The following SORL1 variants were observed in gnomAD, a reference collection of about 807,000 sequenced individuals.
The protein encoded by SORL1 is sortilin related receptor 1.
Under a neutral mutation model 273.7 loss-of-function variants are expected in SORL1, and 127 were observed. The observed-to-expected ratio is 0.46, with a 90% CI of 0.40 to 0.54. The LOEUF (loss-of-function observed/expected upper bound fraction) is 0.54, where lower values mean the gene tolerates loss of function less well. Ranked by LOEUF, SORL1 falls within the 20% of genes least tolerant of loss-of-function variation. The pLI is 0.00. For synonymous variants in SORL1, 1,031 were observed against 1,067.4 expected, an observed-to-expected ratio of 0.97 and a Z score of 0.66; for missense variants, 2,494 against 2,846.1, an observed-to-expected ratio of 0.88 and a Z score of 2.81.
At chr11:121,565,861 T>C (rs1862747050) in intron 21 of SORL1, among the ~76,000 whole-genome samples, 1 of 152,252 alleles carries the variant, frequency 6.6e-6, no homozygotes, top group African/African-American at 2.4e-5. Context: ...TTACGAACTC[T>C]CTCCGGTGCT....
chr11:121,623,502 C>T (rs747023417), intron 45 of SORL1, among the ~76,000 whole-genome samples: 14 of 152,264 alleles, frequency 9.2e-5, no homozygotes, highest in Non-Finnish European at 1.2e-4. Context: ...GCCGAGATGC[C>T]GAACAGAAGA....
intron 8 of SORL1, among the ~76,000 whole-genome samples, chr11:121,519,041 G>A (rs966226538): frequency 5.3e-5 from 8 of 150,296 alleles, no homozygotes; most frequent in African/African-American, 2.0e-4. Flanking sequence ...TCCGCCTCCC[G>A]GGTTCAAGCG....
At chr11:121,621,041 C>G (rs2134947905) in intron 43 of SORL1, 23 bp from the exon 44 acceptor site, 2 of 1,543,354 alleles carry the variant, frequency 1.3e-6, no homozygotes, top group Non-Finnish European at 1.8e-6. Flanking sequence ...GATTATCATT[C>G]ACTTGTTCTT....
At chr11:121,496,821 G>A in intron 5 of SORL1, 48 bp from the exon 6 acceptor site, 1 of 1,526,382 alleles carries the variant, frequency 6.6e-7, no homozygotes, top group African/African-American at 1.4e-5. Flanking sequence ...CATGCCTCTA[G>A]TAATTAAATG....
chr11:121,476,135 G>A (rs1010488828), intron 2 of SORL1, among the ~76,000 whole-genome samples: 1 of 152,184 alleles, frequency 6.6e-6, no homozygotes, highest in African/African-American at 2.4e-5. Flanking sequence ...GAGCTGGAAG[G>A]GACTTTAGTT....
At position 121,577,408 on chromosome 11, in the gene SORL1, C is replaced by T. The variant is rs757929343; in HGVS notation, c.3580+8C>T. The stretch of plus-strand genomic sequence containing the variant: ...ATGAAGCCAACTGTACCGGTCAGTA[C>T]TTCCTGGACTCAGTTGACAGCACTC... On this transcript the variant is annotated splice_region_variant and intron_variant, in intron 25 of 47. Transcript: ENST00000260197. 1 of 1,581,068 alleles carries T rather than the reference C, an allele frequency of 6.3e-7. No homozygotes were observed. Among genetic ancestry groups the T allele is most frequent in the Non-Finnish European group, 8.6e-7 (1 of 1,164,204 alleles).
chr11:121,549,674 T>A (rs114324570), intron 14 of SORL1, among the ~76,000 whole-genome samples: 65,995 of 151,454 alleles, frequency 0.44, 14,543 homozygotes, highest in Middle Eastern at 0.54. Flanking sequence ...AGTCTTAAAT[T>A]GGGAACTGGA....
In SORL1 at chr11:121,532,517, G is replaced by A. The variant is rs201280964; in HGVS notation, c.1650G>A (p.Thr550=). 18 of 1,614,056 alleles carry A rather than the reference G, an allele frequency of 1.1e-5. No homozygotes were observed. Among genetic ancestry groups the A allele is most frequent in the African/African-American group, 4.0e-5 (3 of 75,026 alleles). The change falls in exon 12 of 48, where the codon ACG becomes ACA. Residue 550 remains threonine (T), a synonymous_variant. Coordinates refer to ENST00000260197, the MANE Select transcript of SORL1 (RefSeq NM_003105.6). ...YTWGDHGGII[T]AIAQGMETNE... ...GGGGAGACCACGGCGGAATCATCAC[G>A]GCCATTGCCCAGGGCATGGAAACCA...
At position 121,615,841 on chromosome 11, in the gene SORL1, C is replaced by A. The variant is rs558745794; in HGVS notation, c.5604+786C>A. Among the ~76,000 whole-genome samples the A allele has an allele frequency of 1.0e-3, 159 of 152,194 alleles. 1 individual carries two copies. The highest frequency in any genetic ancestry group is 2.7e-3 in the Admixed American group (42 of 15,292). ...AGGAACAATATAAAATCCGATAAAC[C>A]CCTGTTCCCCCTTATTCCTTTCATT... On this transcript the variant is annotated intron_variant, in intron 41 of 47. Coordinates refer to ENST00000260197, the MANE Select transcript of SORL1 (RefSeq NM_003105.6).
At chr11:121,612,669 C>A in intron 39 of SORL1, 67 bp from the exon 40 acceptor site, 1 of 1,148,462 alleles carries the variant, frequency 8.7e-7, no homozygotes, top group Non-Finnish European at 1.3e-6. Flanking sequence ...ATTTTTAATC[C>A]TGCCTTTTGT....
chr11:121,538,392 G>A (rs1388232440), intron 12 of SORL1, among the ~76,000 whole-genome samples: 1 of 152,024 alleles, frequency 6.6e-6, no homozygotes, highest in Non-Finnish European at 1.5e-5. Context: ...GTTTATCACT[G>A]TAGCTGCCTA....
chr11:121,556,381 G>A (rs1862581884), intron 18 of SORL1, among the ~76,000 whole-genome samples: 1 of 152,164 alleles, frequency 6.6e-6, no homozygotes, highest in South Asian at 2.1e-4. Context: ...GCAACTTGAG[G>A]TTGATGTCTT....
chr11:121,619,314 ATTCATGCAATGGAATGCAGGACAGCCG>A (rs1179534259), intron 42 of SORL1, among the ~76,000 whole-genome samples: 1 of 152,250 alleles, frequency 6.6e-6, no homozygotes, highest in East Asian at 1.9e-4. Context: ...ATCATGGTTT[ATTCATGCAATGGAATGCAGGACAGCCG>A]TTCATAAGAA....
intron 6 of SORL1, among the ~76,000 whole-genome samples, chr11:121,503,059 G>A (rs1423764354): frequency 1.3e-5 from 2 of 151,900 alleles, no homozygotes; most frequent in East Asian, 1.9e-4. Context: ...TTGTAGAGAC[G>A]GGGTTTCATC....
At chr11:121,511,181 A>G (rs1335160702) in intron 6 of SORL1, among the ~76,000 whole-genome samples, 1 of 149,864 alleles carries the variant, frequency 6.7e-6, no homozygotes, top group African/African-American at 2.4e-5. Context: ...GCATTTTGAG[A>G]TTTTTTTTTT....
At chr11:121,583,310 A>C in intron 25 of SORL1, 148 bp from the exon 26 acceptor site, 1 of 907,124 alleles carries the variant, frequency 1.1e-6, no homozygotes, top group Non-Finnish European at 1.5e-6. Context: ...CCAAGTGCCC[A>C]ATTCTCAGCC....
rs1265533133 is a variant in SORL1 at position 121,558,848 on chromosome 11, T to G, written c.2910+11T>G. The G allele has an allele frequency of 1.9e-6, 3 of 1,613,920 alleles. No homozygotes were observed. The highest frequency in any genetic ancestry group is 2.5e-6 in the Non-Finnish European group (3 of 1,179,868). ...ATTGCTGTCTTTAAGGTGAGTCCAT[T>G]TGTTGCTGCCGGACAGTCTGCTAGA... is the stretch of plus-strand genomic sequence containing the variant. On this transcript the variant is annotated intron_variant, in intron 20 of 47. Transcript: ENST00000260197.
At position 121,502,141 on chromosome 11, in the gene SORL1, T is replaced by A. The variant is rs1247744513; in HGVS notation, c.939+5092T>A. ...TGACAATTCTTTTTTTTTTTTTTTTTTTTTTTTTTTTTGAGATGGAGTCTC... is the reference window on the plus strand; with the variant it reads ...TGACAATTCTTTTTTTTTTTTTTTTATTTTTTTTTTTTGAGATGGAGTCTC... On this transcript the variant is annotated intron_variant, in intron 6 of 47. Coordinates refer to ENST00000260197, the MANE Select transcript of SORL1 (RefSeq NM_003105.6). 3.7e-5 allele frequency among the ~76,000 whole-genome samples: 5 copies of A among 134,742 alleles called. No individual in the cohort carries two copies. In the East Asian group the frequency reaches 8.5e-4, roughly 23 times the overall value. The allele number at this position is 134,742 out of a possible 152,430, so 88.4% of individuals were successfully genotyped here.
At position 121,604,298 on chromosome 11, in the gene SORL1, A is replaced by G. The variant is rs758931216; in HGVS notation, c.4625A>G (p.Asp1542Gly). The change falls in exon 33 of 48, where the codon GAC (aspartate) becomes GGC (glycine). Residue 1542 changes from aspartate to glycine, a missense_variant. Around this residue, in one of 3 missense-constraint regions of SORL1, gnomAD observed 1,609 missense variants for 1,816.4 expected, o/e 0.89. Coordinates refer to ENST00000260197, the MANE Select transcript of SORL1 (RefSeq NM_003105.6). Reference protein sequence around the residue: ...ERCDGFLDCSDESDEKACSDE... With the variant: ...ERCDGFLDCSGESDEKACSDE... Reference sequence around the variant, plus strand: ...TGCGACGGCTTCCTGGACTGCTCGGACGAGAGCGATGAAAAGGCCTGCAGT... The same window carrying G: ...TGCGACGGCTTCCTGGACTGCTCGGGCGAGAGCGATGAAAAGGCCTGCAGT... 6.2e-7 allele frequency: 1 copy of G among 1,613,868 alleles called. No homozygotes were observed. The highest frequency in any genetic ancestry group is 8.5e-7 in the Non-Finnish European group (1 of 1,179,976).
Sources: gnomAD v4.1 joint callset for allele counts (sites outside exome capture counted in the v4.1 genomes callset) on GRCh38, gnomAD v4.1.1 for gene constraint, gnomAD v4.1.1 regional missense constraint, MANE v1.5 for transcripts, NCBI Gene and HGNC (gene_info 2026-07-23, HGNC 2026-07-21) for gene names.